Variants in FBXW4 observed in about 807,000 individuals in gnomAD.
The protein encoded by FBXW4 is F-box and WD repeat domain containing 4.
FBXW4 carries 40 observed loss-of-function variants against 61.8 expected under a neutral mutation model. That is an observed-to-expected ratio of 0.65 (90% CI 0.50 to 0.84). FBXW4 has a LOEUF of 0.84. Ranked by LOEUF, FBXW4 falls within the 40% of genes least tolerant of loss-of-function variation. The pLI, the probability that FBXW4 is intolerant of heterozygous loss-of-function variation, is 0.00. For synonymous variants in FBXW4, 311 were observed against 313.8 expected (o/e 0.99, Z 0.10); for missense variants, 672 against 753.8 (o/e 0.89, Z 1.27).
intron 5 of FBXW4, among the ~76,000 whole-genome samples, chr10:101,634,259 A>ATATT (rs1321068178): frequency 8.7e-5 from 13 of 150,176 alleles, no homozygotes; most frequent in Admixed American, 1.3e-4. Context: ...AGATCCATAT[A>ATATT]AAAATATAAA....
chr10:101,688,614 A>G (rs544213003), intron 1 of FBXW4, among the ~76,000 whole-genome samples: 46 of 152,314 alleles, frequency 3.0e-4, no homozygotes, highest in African/African-American at 1.0e-3. Context: ...AATTACCATA[A>G]CCATTTTGAT....
intron 1 of FBXW4, among the ~76,000 whole-genome samples, chr10:101,686,823 G>A (rs2064538663): frequency 6.6e-6 from 1 of 152,026 alleles, no homozygotes; most frequent in Admixed American, 6.6e-5. Context: ...CCAGCTTCTA[G>A]GCCATTATGA....
In FBXW4 at chr10:101,695,075, C is replaced by CG; in HGVS notation, c.30dup (p.Gly11ArgfsTer64). The CG allele has an allele frequency of 1.0e-6, 1 of 987,002 alleles. No homozygotes were observed. The highest frequency in any genetic ancestry group is 1.2e-6 in the Non-Finnish European group (1 of 831,258). 61.1% of individuals were successfully genotyped at this position (987,002 alleles called of 1,614,324 possible). A position where few individuals can be genotyped will look rare whatever the true frequency, so the allele number is the denominator to read the frequency against. ...TCGCCCTCGCCGGGCCCGCCGTTCC[C>CG]GGGGGGCCCCGAGCGGCCCTGGCTG... On this transcript the variant is annotated frameshift_variant, in exon 1 of 9. Coordinates refer to ENST00000331272, the MANE Select transcript of FBXW4 (RefSeq NM_022039.4). LOFTEE classifies it high-confidence loss of function. The surrounding 1 kb of genome is among the most constrained non-coding windows in gnomAD (Gnocchi z 4.2).
At chr10:101,636,901 TAA>T (rs2064006570) in intron 5 of FBXW4, among the ~76,000 whole-genome samples, 1 of 152,094 alleles carries the variant, frequency 6.6e-6, no homozygotes. Flanking sequence ...GGATTACATT[TAA>T]AAAGTATCAC....
chr10:101,639,083 A>G (rs1422349275), intron 5 of FBXW4, among the ~76,000 whole-genome samples: 2 of 151,988 alleles, frequency 1.3e-5, no homozygotes, highest in African/African-American at 4.8e-5. Context: ...GCACGTGTCA[A>G]CTCCCTGCAG....
At chr10:101,673,446 A>T (rs746885390) in intron 3 of FBXW4, 42 bp downstream of exon 3, 6 of 1,607,566 alleles carry the variant, frequency 3.7e-6, no homozygotes, top group East Asian at 2.2e-5. Flanking sequence ...TCCCCGAAGT[A>T]TAAGATGGAA....
At chr10:101,666,464 G>A (rs905352690) in intron 5 of FBXW4, among the ~76,000 whole-genome samples, 2 of 152,122 alleles carry the variant, frequency 1.3e-5, no homozygotes, top group African/African-American at 2.4e-5. Flanking sequence ...GTAGGAGGAG[G>A]GGTGCAGGCT....
At chr10:101,688,096 A>G (rs4919584) in intron 1 of FBXW4, among the ~76,000 whole-genome samples, 151,838 of 152,336 alleles carry the variant, frequency 1, 75,673 homozygotes, top group East Asian at 1. Flanking sequence ...AGGAGAAGGC[A>G]GAGGAATGAA....
At position 101,673,594 on chromosome 10, in the gene FBXW4, G is replaced by A; in HGVS notation, c.901C>T (p.Pro301Ser). The part of the protein sequence containing the change: ...ANFILAYQFR[P>S]DGASLNRRPL... ...CGACGATTCAAGCTGGCACCATCTG[G>A]ACGGAACTGGTAGGCCAGGATGAAA... Residue 301 changes from proline to serine, a missense_variant, in exon 3 of 9, where the codon CCA (proline) becomes TCA (serine). By Grantham distance (74) the Pro-to-Ser change is moderately conservative (BLOSUM62 -1). This residue lies in a region of FBXW4 where 312 missense variants were observed against 370.1 expected (regional missense o/e 0.84). Coordinates refer to ENST00000331272, the MANE Select transcript of FBXW4 (RefSeq NM_022039.4). 1.2e-6 allele frequency: 2 copies of A among 1,614,024 alleles called. No homozygotes were observed. Among genetic ancestry groups the A allele is most frequent in the Middle Eastern group, 1.7e-4 (1 of 6,056 alleles).
chr10:101,638,070 C>A (rs377613888), intron 5 of FBXW4, among the ~76,000 whole-genome samples: 1 of 152,110 alleles, frequency 6.6e-6, no homozygotes, highest in African/African-American at 2.4e-5. Context: ...CTTTTTGGTG[C>A]GCTTCCTCCT....
chr10:101,678,649 C>T (rs558884908), intron 1 of FBXW4, among the ~76,000 whole-genome samples: 1 of 152,270 alleles, frequency 6.6e-6, no homozygotes, highest in African/African-American at 2.4e-5. Flanking sequence ...AGGATGGTCT[C>T]GATCTCCTGA....
At chr10:101,649,493 G>A (rs995781900) in intron 5 of FBXW4, among the ~76,000 whole-genome samples, 1 of 152,186 alleles carries the variant, frequency 6.6e-6, no homozygotes, top group Non-Finnish European at 1.5e-5. Flanking sequence ...AAAAAGAACA[G>A]TAAAAGGAAA....
intron 6 of FBXW4, among the ~76,000 whole-genome samples, chr10:101,613,507 AG>A (rs1365094954): frequency 6.6e-6 from 1 of 152,246 alleles, no homozygotes; most frequent in Non-Finnish European, 1.5e-5. Flanking sequence ...AGGGATGTCC[AG>A]GTAAGAGGCC....
chr10:101,664,138 CACAG>C (rs1028712834), intron 5 of FBXW4, among the ~76,000 whole-genome samples: 1 of 152,162 alleles, frequency 6.6e-6, no homozygotes, highest in African/African-American at 2.4e-5. Context: ...GACATTTGAA[CACAG>C]ACAGATACTT....
chr10:101,629,928 G>A (rs899849583), intron 5 of FBXW4, among the ~76,000 whole-genome samples: 4 of 152,172 alleles, frequency 2.6e-5, no homozygotes, highest in Admixed American at 1.3e-4. Context: ...CACAAGTGGC[G>A]TGCTCAGCAG....
chr10:101,683,731 C>A (rs1429499697), intron 1 of FBXW4, among the ~76,000 whole-genome samples: 1 of 152,118 alleles, frequency 6.6e-6, no homozygotes, highest in Non-Finnish European at 1.5e-5. Context: ...GAACACAGAT[C>A]AATTTCCCTC....
intron 5 of FBXW4, among the ~76,000 whole-genome samples, chr10:101,632,229 C>T (rs1462699528): frequency 6.6e-6 from 1 of 152,102 alleles, no homozygotes; most frequent in Non-Finnish European, 1.5e-5. Context: ...CACACACACA[C>T]GCAACCCTCT....
chr10:101,621,648 C>T (rs1448533456), intron 6 of FBXW4, among the ~76,000 whole-genome samples: 1 of 152,174 alleles, frequency 6.6e-6, no homozygotes, highest in Non-Finnish European at 1.5e-5. Flanking sequence ...GTATGGGAAA[C>T]TCTTTCACGA....
intron 5 of FBXW4, among the ~76,000 whole-genome samples, chr10:101,630,390 T>C (rs1406137727): frequency 1.3e-5 from 2 of 152,192 alleles, no homozygotes; most frequent in Non-Finnish European, 1.5e-5. Context: ...CAGGCCTCAT[T>C]GGCACCTGGG....
Sources: allele counts gnomAD v4.1 joint callset (sites outside exome capture counted in the v4.1 genomes callset), GRCh38; gene constraint gnomAD v4.1.1; regional missense constraint gnomAD v4.1.1; non-coding constraint Gnocchi (gnomAD v3.1); transcripts MANE v1.5; gene names NCBI Gene and HGNC (gene_info 2026-07-23, HGNC 2026-07-21).